ITGAV: variants seen among roughly 807,000 people sequenced by gnomAD.
ITGAV encodes integrin subunit alpha V.
ITGAV carries 76 observed loss-of-function variants against 143.8 expected under a neutral mutation model. The ratio of observed to expected loss-of-function variants is 0.53; its 90% CI spans 0.44 to 0.64. The LOEUF (loss-of-function observed/expected upper bound fraction) is 0.64. Among genes scored for constraint, ITGAV ranks in the 30% least tolerant of loss-of-function variants. ITGAV has a pLI of 0.00. For synonymous variants in ITGAV, 453 were observed against 446.7 expected, an observed-to-expected ratio of 1.01 and a Z score of -0.18; for missense variants, 1,193 against 1,274.7, an observed-to-expected ratio of 0.94 and a Z score of 0.98.
intron 2 of ITGAV, among the ~76,000 whole-genome samples, chr2:186,603,530 G>A (rs903660308): frequency 2.0e-5 from 3 of 151,936 alleles, no homozygotes; most frequent in Non-Finnish European, 2.9e-5. Context: ...CTAATACTTG[G>A]AAAACTCCAA....
At position 186,663,357 on chromosome 2, in the gene ITGAV, C is replaced by T. The variant is rs548988745; in HGVS notation, c.1858-411C>T. Among the ~76,000 whole-genome samples, 6 of 152,246 alleles carry T rather than the reference C, an allele frequency of 3.9e-5. No homozygotes were observed. The South Asian group carries it at 1.2e-3, about 32-fold the overall frequency. ...TCCTGATATTGGTAGAGGCACAGTCCATAATGAGAAACTCTAGAAGGGAGT... is the reference window on the plus strand; with the variant it reads ...TCCTGATATTGGTAGAGGCACAGTCTATAATGAGAAACTCTAGAAGGGAGT... On this transcript the variant is annotated intron_variant, in intron 18 of 29. Coordinates refer to ENST00000261023, the MANE Select transcript of ITGAV (RefSeq NM_002210.5).
chr2:186,648,620 A>G (rs1688327707), intron 13 of ITGAV, among the ~76,000 whole-genome samples: 2 of 151,962 alleles, frequency 1.3e-5, no homozygotes, highest in South Asian at 4.2e-4. Context: ...AGGCACCACC[A>G]CGCACAGCTA....
At chr2:186,611,273 CTTA>C (rs1687209064) in intron 2 of ITGAV, among the ~76,000 whole-genome samples, 2 of 152,116 alleles carry the variant, frequency 1.3e-5, no homozygotes, top group African/African-American at 4.8e-5. Flanking sequence ...TCCTTTTTGC[CTTA>C]CAAGGGTCAC....
intron 28 of ITGAV, chr2:186,676,140 A>C: frequency 4.5e-6 from 2 of 442,662 alleles, no homozygotes; most frequent in Non-Finnish European, 8.0e-6. Context: ...CATCTTGTCC[A>C]GTGTAAGAGA....
chr2:186,645,813 A>C (rs897516507), intron 12 of ITGAV, among the ~76,000 whole-genome samples: 1 of 151,868 alleles, frequency 6.6e-6, no homozygotes, highest in Non-Finnish European at 1.5e-5. Flanking sequence ...TGAAAAAAAA[A>C]CAAAAAAAAT....
chr2:186,607,660 C>G (rs1687105972), intron 2 of ITGAV, among the ~76,000 whole-genome samples: 1 of 152,098 alleles, frequency 6.6e-6, no homozygotes, highest in South Asian at 2.1e-4. Flanking sequence ...GGGAACTAAA[C>G]TGAATAACAC....
Position 186,636,151 on chromosome 2 carries a change from A to G in ITGAV, c.701A>G (p.Tyr234Cys). The change falls in exon 7 of 30, where the codon TAT (tyrosine) becomes TGT (cysteine). Residue 234 changes from tyrosine (Y) to cysteine (C), a missense_variant. Coordinates refer to ENST00000261023, the MANE Select transcript of ITGAV (RefSeq NM_002210.5). The stretch of plus-strand genomic sequence containing the variant: ...GACCCCAATGTTTACAGCATCAAGT[A>G]TAATAACCAATTAGCAACTCGGACT... ...KYDPNVYSIK[Y>C]NNQLATRTAQ... is the part of the protein sequence containing the mutation. 1 of 1,613,352 alleles carries G rather than the reference A, an allele frequency of 6.2e-7. No homozygotes were observed. The highest frequency in any genetic ancestry group is 8.5e-7 in the Non-Finnish European group (1 of 1,179,652).
At chr2:186,619,464 G>A (rs900098061) in intron 2 of ITGAV, among the ~76,000 whole-genome samples, 3 of 152,112 alleles carry the variant, frequency 2.0e-5, no homozygotes, top group African/African-American at 7.2e-5. Context: ...GACAGGAGGA[G>A]TAAGTTCTAG....
In ITGAV at chr2:186,590,407, C is replaced by A; in HGVS notation, c.69C>A (p.Leu23=). The A allele has an allele frequency of 6.2e-7, 1 of 1,611,908 alleles. No homozygotes were observed. The highest frequency in any genetic ancestry group is 8.5e-7 in the Non-Finnish European group (1 of 1,179,392). Residue 23 remains leucine, a synonymous_variant, in exon 1 of 30, where the codon CTC becomes CTA. Coordinates refer to ENST00000261023, the MANE Select transcript of ITGAV (RefSeq NM_002210.5). ...GCCTCCCGCTTCTTCTCTCGGGACT[C>A]CTGCTACCTCTGTGCCGCGCCTTCA... The part of the protein sequence containing the change: ...PRGLPLLLSG[L]LLPLCRAFNL...
chr2:186,675,920 C>T lies in ITGAV; in HGVS notation c.2921C>T (p.Ser974Phe). The T allele has an allele frequency of 6.5e-7, 1 of 1,527,038 alleles. No homozygotes were observed. Among genetic ancestry groups the T allele is most frequent in the Admixed American group, 1.7e-5 (1 of 59,676 alleles). The allele number at this position is 1,527,038 out of a possible 1,614,324, so 94.6% of individuals were successfully genotyped here. The stretch of plus-strand genomic sequence containing the variant: ...CTTCCAATTGAGGATATCACCAACT[C>T]CACATTGGTAAGTCATTGGTTTAGG... ...KNLPIEDITN[S>F]TLVTTNVTWG... The change falls in exon 28 of 30, where the codon TCC becomes TTC. Residue 974 changes from serine (S) to phenylalanine (F), a missense_variant. Transcript: ENST00000261023.
chr2:186,592,667 A>G (rs553942564), intron 1 of ITGAV, among the ~76,000 whole-genome samples: 3 of 152,172 alleles, frequency 2.0e-5, no homozygotes, highest in African/African-American at 7.2e-5. Context: ...ATCTTTGGCC[A>G]GTCATTATAA....
At chr2:186,596,284 T>C (rs560589010) in intron 1 of ITGAV, among the ~76,000 whole-genome samples, 1 of 152,342 alleles carries the variant, frequency 6.6e-6, no homozygotes, top group Admixed American at 6.5e-5. Flanking sequence ...CCAAACTGTT[T>C]CCATTAGATA....
intron 3 of ITGAV, among the ~76,000 whole-genome samples, chr2:186,622,688 A>G (rs758052713): frequency 5.9e-5 from 9 of 152,200 alleles, no homozygotes; most frequent in Non-Finnish European, 1.2e-4. Context: ...CTATCAGTTT[A>G]TTTCCACCTA....
chr2:186,613,893 G>C (rs1163857681), intron 2 of ITGAV, among the ~76,000 whole-genome samples: 1 of 151,934 alleles, frequency 6.6e-6, no homozygotes, highest in Admixed American at 6.6e-5. Context: ...TACTCTAATA[G>C]TTTAATTCTA....
intron 2 of ITGAV, 94 bp downstream of exon 2, chr2:186,602,245 T>C: frequency 1.0e-6 from 1 of 956,306 alleles, no homozygotes; most frequent in Non-Finnish European, 1.5e-6. Context: ...AATACAATTA[T>C]ATAGATAAGC....
intron 12 of ITGAV, among the ~76,000 whole-genome samples, chr2:186,642,420 T>C (rs909615616): frequency 6.6e-6 from 1 of 152,168 alleles, no homozygotes; most frequent in African/African-American, 2.4e-5. Flanking sequence ...AGGTAAATGT[T>C]GTTTGCCCTC....
chr2:186,662,157 A>G (rs1688765367), intron 18 of ITGAV, among the ~76,000 whole-genome samples: 1 of 152,174 alleles, frequency 6.6e-6, no homozygotes, highest in South Asian at 2.1e-4. Context: ...CTCATCTAAC[A>G]TTCTAACTGG....
chr2:186,660,403 G>T (rs1342655429), intron 18 of ITGAV: 1 of 151,990 alleles, frequency 6.6e-6, no homozygotes, highest in Non-Finnish European at 1.5e-5. Flanking sequence ...TCCTACATTT[G>T]TTCCATCAGT....
Position 186,679,119 on chromosome 2 carries a change from A to G in ITGAV, c.*1827A>G, listed in dbSNP as rs1054680622. On this transcript the variant is annotated 3_prime_UTR_variant, in exon 30 of 30. Transcript: ENST00000261023. ...AAATTTAAAATTTTTTAAGAAAAAT[A>G]TTTTTATCCTAGGGCCAAGTGTTGC... The G allele has an allele frequency of 6.5e-6, 1 of 153,686 alleles. No individual in the cohort carries two copies. The highest frequency in any genetic ancestry group is 2.4e-5 in the African/African-American group (1 of 41,440). 9.5% of individuals were successfully genotyped at this position (153,686 alleles called of 1,614,324 possible). A position where few individuals can be genotyped will look rare whatever the true frequency, so the allele number is the denominator to read the frequency against.
Sources: gnomAD v4.1 joint callset for allele counts (sites outside exome capture counted in the v4.1 genomes callset) on GRCh38, gnomAD v4.1.1 for gene constraint, MANE v1.5 for transcripts, NCBI Gene and HGNC (gene_info 2026-07-23, HGNC 2026-07-21) for gene names.